Variants in SLCO3A1 observed in about 807,000 individuals in gnomAD.
SLCO3A1 encodes PGE1 transporter.
A neutral mutation model predicts 63.1 loss-of-function variants in SLCO3A1; 27 were observed. The observed-to-expected ratio is 0.43, with a 90% CI of 0.32 to 0.59. The LOEUF (loss-of-function observed/expected upper bound fraction) is 0.59. Ranked by LOEUF, SLCO3A1 falls within the 20% of genes least tolerant of loss-of-function variation. SLCO3A1 has a pLI of 0.09. For missense variants in SLCO3A1, 773 were observed against 945.8 expected, an observed-to-expected ratio of 0.82 and a Z score of 2.40; for synonymous variants, 473 against 409.9, an observed-to-expected ratio of 1.15 and a Z score of -1.86.
Position 92,084,576 on chromosome 15 carries a change from G to A in SLCO3A1, c.647-10305G>A, listed in dbSNP as rs1030826732. Among the ~76,000 whole-genome samples, 9 of 152,162 alleles carry A rather than the reference G, an allele frequency of 5.9e-5. No individual in the cohort carries two copies. In the East Asian group the frequency reaches 7.7e-4, roughly 13 times the overall value. On this transcript the variant is annotated intron_variant, in intron 2 of 9. Coordinates refer to ENST00000318445, the MANE Select transcript of SLCO3A1 (RefSeq NM_013272.4). ...AGGAGACCTTGAGGGTCAGAAACAC[G>A]AATGGGTGCATCTAATTGCAAAGTG...
chr15:92,024,930 T>C (rs1408465917), intron 2 of SLCO3A1, among the ~76,000 whole-genome samples: 1 of 152,056 alleles, frequency 6.6e-6, no homozygotes, highest in Non-Finnish European at 1.5e-5. Flanking sequence ...TCCCTCCATC[T>C]GTCCTGCCAC....
intron 2 of SLCO3A1, among the ~76,000 whole-genome samples, chr15:92,092,008 C>T (rs2047483527): frequency 1.3e-5 from 2 of 152,320 alleles, no homozygotes; most frequent in South Asian, 4.1e-4. Context: ...GCCACCATCC[C>T]CAGTCACTGG....
chr15:91,903,558 C>G (rs1898214752), intron 1 of SLCO3A1, among the ~76,000 whole-genome samples: 1 of 152,146 alleles, frequency 6.6e-6, no homozygotes, highest in East Asian at 1.9e-4. Context: ...CCAACCTCAG[C>G]TGTTTCTCAC....
chr15:92,080,127 G>A (rs558356376), intron 2 of SLCO3A1, among the ~76,000 whole-genome samples: 8 of 152,318 alleles, frequency 5.3e-5, no homozygotes, highest in African/African-American at 1.4e-4. Context: ...CAACAGCTGC[G>A]GCTTTGACCA....
At chr15:92,120,054 TATTTATA>T (rs1400635772) in intron 4 of SLCO3A1, among the ~76,000 whole-genome samples, 97 of 152,074 alleles carry the variant, frequency 6.4e-4, no homozygotes, top group African/African-American at 2.2e-3. Context: ...AATATATTGA[TATTTATA>T]CTTTATTTTA....
At chr15:92,155,804 C>T (rs1288924550) in intron 9 of SLCO3A1, among the ~76,000 whole-genome samples, 1 of 152,042 alleles carries the variant, frequency 6.6e-6, no homozygotes, top group African/African-American at 2.4e-5. Context: ...GGTTTGGAGC[C>T]CCTGGGACTG....
At chr15:92,076,690 C>T (rs2047281571) in intron 2 of SLCO3A1, among the ~76,000 whole-genome samples, 1 of 152,184 alleles carries the variant, frequency 6.6e-6, no homozygotes. Context: ...CCAGGGCAAT[C>T]CCCACCAGTC....
intron 3 of SLCO3A1, among the ~76,000 whole-genome samples, chr15:92,104,004 A>T (rs961421708): frequency 6.6e-6 from 1 of 152,362 alleles, no homozygotes. Context: ...GCCTAAATTC[A>T]GAGAACGTCT....
intron 2 of SLCO3A1, among the ~76,000 whole-genome samples, chr15:92,016,917 G>T (rs1017816734): frequency 2.0e-5 from 3 of 152,148 alleles, no homozygotes; most frequent in Admixed American, 6.5e-5. Flanking sequence ...GGGCTTGATC[G>T]CACATTTGAA....
chr15:91,989,684 A>G (rs913882959), intron 2 of SLCO3A1, among the ~76,000 whole-genome samples: 2 of 152,212 alleles, frequency 1.3e-5, no homozygotes, highest in South Asian at 2.1e-4. Flanking sequence ...TACTTAGATT[A>G]ATCATTTCGT....
chr15:92,076,641 G>A (rs8033786), intron 2 of SLCO3A1, among the ~76,000 whole-genome samples: 3,622 of 152,230 alleles, frequency 0.024, 143 homozygotes, highest in African/African-American at 0.083. Flanking sequence ...TGGTGCTCAC[G>A]GGCCTCCTTG....
chr15:92,051,583 T>C (rs2046957960), intron 2 of SLCO3A1, among the ~76,000 whole-genome samples: 1 of 152,098 alleles, frequency 6.6e-6, no homozygotes, highest in South Asian at 2.1e-4. Context: ...AGGGAGAGTG[T>C]GCTAAGACCA....
At chr15:92,024,801 TGAATG>T (rs2046551328) in intron 2 of SLCO3A1, among the ~76,000 whole-genome samples, 2 of 152,176 alleles carry the variant, frequency 1.3e-5, no homozygotes, top group South Asian at 4.1e-4. Context: ...TGAACAGACT[TGAATG>T]AAGTGAAGGA....
chr15:92,134,725 T>G lies in SLCO3A1; in HGVS notation c.1512+6236T>G, dbSNP rs569408976. ...ATATTTCAAAAATATCTAAAATGAT[T>G]ATCACTTTTCCAATGAGGAACAGAT... On this transcript the variant is annotated intron_variant, in intron 7 of 9. Transcript: ENST00000318445. Among the ~76,000 whole-genome samples, 269 of 152,354 alleles carry G rather than the reference T, an allele frequency of 1.8e-3. 1 individual carries two copies. Among genetic ancestry groups the G allele is most frequent in the African/African-American group, 6.0e-3 (250 of 41,584 alleles).
chr15:91,925,508 C>T (rs1810592077), intron 2 of SLCO3A1, among the ~76,000 whole-genome samples: 1 of 150,596 alleles, frequency 6.6e-6, no homozygotes, highest in African/African-American at 2.4e-5. Context: ...AGGAAACTAC[C>T]TCTCCCATCT....
rs567731411 is a variant in SLCO3A1 at position 92,097,296 on chromosome 15, C to G, written c.745+2317C>G. 1.1e-4 allele frequency among the ~76,000 whole-genome samples: 17 copies of G among 152,294 alleles called. No homozygotes were observed. The South Asian group carries it at 2.1e-3, about 19-fold the overall frequency. On this transcript the variant is annotated intron_variant, in intron 3 of 9. Transcript: ENST00000318445. ...CCAAGGAATGTATCTCTATAAAACCCCGATCTCCTGAGCCTGCCTGTGGAG... is the reference window on the plus strand; with the variant it reads ...CCAAGGAATGTATCTCTATAAAACCGCGATCTCCTGAGCCTGCCTGTGGAG...
chr15:91,919,546 G>A (rs1325969718), intron 2 of SLCO3A1, among the ~76,000 whole-genome samples: 1 of 152,242 alleles, frequency 6.6e-6, no homozygotes, highest in Non-Finnish European at 1.5e-5. Flanking sequence ...CAGTGGCAGT[G>A]GAGACCACTG....
At chr15:92,128,143 G>T (rs756112789) in intron 6 of SLCO3A1, among the ~76,000 whole-genome samples, 1 of 152,148 alleles carries the variant, frequency 6.6e-6, no homozygotes, top group African/African-American at 2.4e-5. Context: ...CACAACCCAC[G>T]TAGCTCTCAG....
intron 1 of SLCO3A1, among the ~76,000 whole-genome samples, chr15:91,874,064 A>G (rs1897341057): frequency 6.6e-6 from 1 of 152,174 alleles, no homozygotes; most frequent in African/African-American, 2.4e-5. Flanking sequence ...CTTGGATAGT[A>G]CTAAATGCTA....
Sources: allele counts gnomAD v4.1 joint callset (sites outside exome capture counted in the v4.1 genomes callset), GRCh38; gene constraint gnomAD v4.1.1; transcripts MANE v1.5; gene names NCBI Gene and HGNC (gene_info 2026-07-23, HGNC 2026-07-21).